The following SHCBP1L variants were observed in gnomAD, a reference collection of about 807,000 sequenced individuals.
The protein encoded by SHCBP1L is SHC binding and spindle associated 1 like.
SHCBP1L carries 67 observed loss-of-function variants against 62.5 expected under a neutral mutation model. That is an observed-to-expected ratio of 1.07 (90% CI 0.88 to 1.31). The LOEUF is 1.31. Ranked by LOEUF, SHCBP1L falls within the 40% of genes most tolerant of loss-of-function variation. SHCBP1L has a pLI of 0.00. For synonymous variants in SHCBP1L, 284 were observed against 289.4 expected, an observed-to-expected ratio of 0.98 and a Z score of 0.19; for missense variants, 823 against 809.8, an observed-to-expected ratio of 1.02 and a Z score of -0.20.
chr1:182,917,523 C>T (rs1277507538), intron 6 of SHCBP1L, among the ~76,000 whole-genome samples: 4 of 152,096 alleles, frequency 2.6e-5, no homozygotes, highest in African/African-American at 7.2e-5. Flanking sequence ...GGATTACAGG[C>T]GTGAGTCACT....
At chr1:182,935,725 T>C (rs1651144007) in intron 5 of SHCBP1L, among the ~76,000 whole-genome samples, 1 of 152,168 alleles carries the variant, frequency 6.6e-6, no homozygotes, top group Non-Finnish European at 1.5e-5. Context: ...TACATCTTCC[T>C]GGAGAACCAA....
rs1280673834 is a variant in SHCBP1L, at chr1:182,952,999, G to C, written c.135C>G (p.Ile45Met). ...AAATTLKGTAIPVRSVVASPR... is the reference protein window; with the variant it reads ...AAATTLKGTAMPVRSVVASPR... ...GGGAGGCCACCACCGACCGCACTGGGATCGCGGTGCCCTTCAGGGTGGTCG... is the reference window on the plus strand; with the variant it reads ...GGGAGGCCACCACCGACCGCACTGGCATCGCGGTGCCCTTCAGGGTGGTCG... Residue 45 changes from isoleucine to methionine, a missense_variant, in exon 1 of 10, where the codon ATC becomes ATG. By Grantham distance (10) the Ile-to-Met change is conservative. Coordinates refer to ENST00000367547, the MANE Select transcript of SHCBP1L (RefSeq NM_030933.4). 6.5e-7 allele frequency: 1 copy of C among 1,543,122 alleles called. No homozygotes were observed. The highest frequency in any genetic ancestry group is 2.4e-5 in the East Asian group (1 of 41,176).
At chr1:182,925,377 A>C (rs975010956) in intron 6 of SHCBP1L, among the ~76,000 whole-genome samples, 2 of 152,232 alleles carry the variant, frequency 1.3e-5, no homozygotes, top group Non-Finnish European at 2.9e-5. Context: ...ATATGAATTT[A>C]ATAGATGTTA....
chr1:182,926,106 C>A (rs1028918126), intron 6 of SHCBP1L, among the ~76,000 whole-genome samples: 16 of 152,026 alleles, frequency 1.1e-4, no homozygotes, highest in Non-Finnish European at 1.0e-4. Context: ...GGTTAGGAAC[C>A]AGACAGATGT....
At chr1:182,932,468 A>ATTATTTATTTAT (rs752346929) in intron 5 of SHCBP1L, among the ~76,000 whole-genome samples, 3,150 of 151,120 alleles carry the variant, frequency 0.021, 92 homozygotes, top group African/African-American at 0.053. Context: ...ATGGAATTTT[A>ATTATTTATTTAT]TTATTTATTT....
At chr1:182,905,377 AT>A in intron 7 of SHCBP1L, 118 bp downstream of exon 7, 1 of 1,051,604 alleles carries the variant, frequency 9.5e-7, no homozygotes. Flanking sequence ...AACATAAAGG[AT>A]TTTTGTAAAA....
chr1:182,904,651 C>T (rs894513435), intron 7 of SHCBP1L, among the ~76,000 whole-genome samples: 1 of 151,902 alleles, frequency 6.6e-6, no homozygotes, highest in African/African-American at 2.4e-5. Context: ...TCAAGTGATC[C>T]TCCTGCCTCA....
chr1:182,952,996 T>G lies in SHCBP1L; in HGVS notation c.138A>C (p.Pro46=). 1 of 1,543,322 alleles carries G rather than the reference T, an allele frequency of 6.5e-7. No homozygotes were observed. The highest frequency in any genetic ancestry group is 8.7e-7 in the Non-Finnish European group (1 of 1,148,088). ...AATTLKGTAI[P]VRSVVASPRP... is the part of the protein sequence containing the mutation. ...GAGGGGAGGCCACCACCGACCGCAC[T>G]GGGATCGCGGTGCCCTTCAGGGTGG... The change falls in exon 1 of 10, where the codon CCA becomes CCC. Residue 46 remains proline, a synonymous_variant. Transcript: ENST00000367547.
At position 182,903,032 on chromosome 1, in the gene SHCBP1L, A is replaced by G; in HGVS notation, c.1710+7T>C. The stretch of plus-strand genomic sequence containing the variant: ...TAACAATGCTACATCAAGAAATAAG[A>G]GAATACCTTCATATTAACTCCACCT... On this transcript the variant is annotated splice_region_variant and intron_variant, in intron 9 of 9. Coordinates refer to ENST00000367547, the MANE Select transcript of SHCBP1L (RefSeq NM_030933.4). The G allele has an allele frequency of 6.4e-7, 1 of 1,569,796 alleles. No homozygotes were observed. The highest frequency in any genetic ancestry group is 8.6e-7 in the Non-Finnish European group (1 of 1,160,004).
At chr1:182,922,627 A>G (rs748373849) in intron 6 of SHCBP1L, among the ~76,000 whole-genome samples, 1 of 152,150 alleles carries the variant, frequency 6.6e-6, no homozygotes, top group African/African-American at 2.4e-5. Flanking sequence ...AAATTAAGCA[A>G]TCTGCTCCTG....
At chr1:182,948,110 T>C (rs1023987027) in intron 2 of SHCBP1L, among the ~76,000 whole-genome samples, 10 of 152,224 alleles carry the variant, frequency 6.6e-5, no homozygotes, top group Non-Finnish European at 5.9e-5. Context: ...CAGTCAACAG[T>C]AGGCTATTAG....
At chr1:182,904,510 G>A in intron 7 of SHCBP1L, 80 bp from the exon 8 acceptor site, 1 of 1,458,432 alleles carries the variant, frequency 6.9e-7, no homozygotes, top group Non-Finnish European at 9.3e-7. Context: ...CAATACTGCT[G>A]TTACTAAAGT....
chr1:182,949,598 G>A (rs1455413776), intron 2 of SHCBP1L, among the ~76,000 whole-genome samples: 1 of 151,896 alleles, frequency 6.6e-6, no homozygotes, highest in African/African-American at 2.4e-5. Context: ...TCAGGAGGCT[G>A]AGGTGGGAGG....
At chr1:182,946,781 T>G (rs886457159) in intron 2 of SHCBP1L, among the ~76,000 whole-genome samples, 5 of 152,260 alleles carry the variant, frequency 3.3e-5, no homozygotes, top group African/African-American at 1.2e-4. Context: ...CTTTTAAGTC[T>G]ATTTTCTTTA....
At position 182,900,139 on chromosome 1, in the gene SHCBP1L, A is replaced by G. The variant is rs748998263; in HGVS notation, c.1806T>C (p.Phe602=). 1.9e-6 allele frequency: 3 copies of G among 1,612,458 alleles called. No homozygotes were observed. The South Asian group carries it at 3.3e-5, about 18-fold the overall frequency. ...TGTTGAGAGCTTCTTCTGCTACGAT[A>G]AAAAACTGTTCCATTGGTTGAAGAA... is the stretch of plus-strand genomic sequence containing the variant. ...VSILQPMEQF[F]IVAEEALNKR... The change falls in exon 10 of 10, where the codon TTT becomes TTC. Residue 602 remains phenylalanine (F), a synonymous_variant. Transcript: ENST00000367547.
At chr1:182,909,481 G>T (rs1434037027) in intron 6 of SHCBP1L, among the ~76,000 whole-genome samples, 1 of 152,148 alleles carries the variant, frequency 6.6e-6, no homozygotes, top group Non-Finnish European at 1.5e-5. Context: ...CAAAGAGGTG[G>T]TAGAAAAAAA....
At chr1:182,906,633 T>C (rs1274565533) in intron 6 of SHCBP1L, among the ~76,000 whole-genome samples, 4 of 151,602 alleles carry the variant, frequency 2.6e-5, no homozygotes, top group South Asian at 2.1e-4. Flanking sequence ...GGTTTCGCCA[T>C]GTTAGCCAGG....
chr1:182,921,414 C>A (rs2101933176), intron 6 of SHCBP1L, among the ~76,000 whole-genome samples: 1 of 152,234 alleles, frequency 6.6e-6, no homozygotes, highest in Non-Finnish European at 1.5e-5. Context: ...GGACATAGAC[C>A]ATTCACACTA....
chr1:182,943,560 C>T (rs1332692414), intron 2 of SHCBP1L, among the ~76,000 whole-genome samples: 1 of 151,486 alleles, frequency 6.6e-6, no homozygotes, highest in South Asian at 2.1e-4. Flanking sequence ...GATTCTCCAG[C>T]CTCAGCCTCC....
Sources: gnomAD v4.1 joint callset for allele counts (sites outside exome capture counted in the v4.1 genomes callset) on GRCh38, gnomAD v4.1.1 for gene constraint, MANE v1.5 for transcripts, NCBI Gene and HGNC (gene_info 2026-07-23, HGNC 2026-07-21) for gene names.